Variants in PRKCE observed in about 807,000 individuals in gnomAD.
The protein encoded by PRKCE is protein kinase C epsilon type.
A neutral mutation model predicts 85.4 loss-of-function variants in PRKCE; 16 were observed. The ratio of observed to expected loss-of-function variants is 0.19; its 90% CI spans 0.13 to 0.28. PRKCE has a LOEUF of 0.28. Among genes scored for constraint, PRKCE ranks in the 10% least tolerant of loss-of-function variants. The pLI, the probability that PRKCE is intolerant of heterozygous loss-of-function variation, is 1.00. For missense variants in PRKCE, 573 were observed against 975.2 expected, an observed-to-expected ratio of 0.59 and a Z score of 5.49; for synonymous variants, 388 against 371.5, an observed-to-expected ratio of 1.04 and a Z score of -0.51.
chr2:45,921,356 A>G (rs1376285866), intron 2 of PRKCE, among the ~76,000 whole-genome samples: 1 of 152,230 alleles, frequency 6.6e-6, no homozygotes, highest in Non-Finnish European at 1.5e-5. Context: ...TAAAAAAAAC[A>G]CATACGTAGA....
intron 11 of PRKCE, among the ~76,000 whole-genome samples, chr2:46,130,055 G>A (rs970440227): frequency 3.9e-5 from 6 of 152,212 alleles, no homozygotes; most frequent in Middle Eastern, 3.4e-3. Context: ...TGAAAATAGC[G>A]AGTTTTTTTT....
chr2:45,811,330 G>A (rs968629050), intron 1 of PRKCE, among the ~76,000 whole-genome samples: 4 of 152,232 alleles, frequency 2.6e-5, no homozygotes, highest in Non-Finnish European at 4.4e-5. Context: ...AGCTGCCTAA[G>A]TACTGTTAGA....
At chr2:46,120,438 A>G (rs1444504939) in intron 11 of PRKCE, among the ~76,000 whole-genome samples, 1 of 152,142 alleles carries the variant, frequency 6.6e-6, no homozygotes, top group Non-Finnish European at 1.5e-5. Flanking sequence ...CCAGCCTAAC[A>G]TGTCAGTAGT....
rs777164224 is a variant in PRKCE, at chr2:46,024,902, CGTT to C, written c.1437+14388_1437+14390del. Among the ~76,000 whole-genome samples the C allele has an allele frequency of 2.0e-5, 3 of 152,124 alleles. No individual in the cohort carries two copies. The East Asian group carries it at 5.8e-4, about 29-fold the overall frequency. On this transcript the variant is annotated intron_variant, in intron 10 of 14. Transcript: ENST00000306156. ...CATACCAACACAACCAAAGGAAACA[CGTT>C]GTCATGAATGGTGAAATACTTCTAC...
At chr2:45,917,661 C>T (rs1697907443) in intron 2 of PRKCE, among the ~76,000 whole-genome samples, 1 of 152,260 alleles carries the variant, frequency 6.6e-6, no homozygotes. Flanking sequence ...AGTCCCGTGC[C>T]ATGCGCCCGC....
intron 2 of PRKCE, among the ~76,000 whole-genome samples, chr2:45,870,113 A>G (rs1442165398): frequency 6.6e-6 from 1 of 152,154 alleles, no homozygotes; most frequent in Non-Finnish European, 1.5e-5. Flanking sequence ...TTGCCTTCCC[A>G]TCAGGCCCAT....
intron 11 of PRKCE, among the ~76,000 whole-genome samples, chr2:46,118,630 C>A (rs1673002262): frequency 6.6e-6 from 1 of 152,094 alleles, no homozygotes; most frequent in Non-Finnish European, 1.5e-5. Context: ...AGGAGGCTCC[C>A]CATGCTGTTG....
intron 2 of PRKCE, among the ~76,000 whole-genome samples, chr2:45,952,997 G>A (rs1700728384): frequency 6.6e-6 from 1 of 152,196 alleles, no homozygotes; most frequent in South Asian, 2.1e-4. Context: ...GGGAGGTCAA[G>A]CCCGTTGCCT....
intron 10 of PRKCE, among the ~76,000 whole-genome samples, chr2:46,014,576 T>A (rs560138877): frequency 6.6e-6 from 1 of 152,346 alleles, no homozygotes; most frequent in East Asian, 1.9e-4. Flanking sequence ...AAAAATTTTT[T>A]ATACATCCAC....
At chr2:45,715,893 G>T (rs1375986104) in intron 1 of PRKCE, among the ~76,000 whole-genome samples, 2 of 152,066 alleles carry the variant, frequency 1.3e-5, no homozygotes, top group African/African-American at 4.8e-5. Context: ...TCCCTTTTCT[G>T]CACTCCCCCC....
intron 2 of PRKCE, among the ~76,000 whole-genome samples, chr2:45,906,806 G>C (rs1242516530): frequency 1.3e-5 from 2 of 152,216 alleles, no homozygotes; most frequent in Non-Finnish European, 2.9e-5. Flanking sequence ...TGCTGTATGT[G>C]CCTACCCTGC....
At chr2:45,808,050 G>A (rs974932514) in intron 1 of PRKCE, among the ~76,000 whole-genome samples, 1 of 152,090 alleles carries the variant, frequency 6.6e-6, no homozygotes, top group Admixed American at 6.6e-5. Context: ...AGCGCTCCCA[G>A]ACTGTTGCTG....
At chr2:45,992,185 A>C (rs1395615423) in intron 6 of PRKCE, among the ~76,000 whole-genome samples, 1 of 151,994 alleles carries the variant, frequency 6.6e-6, no homozygotes, top group Admixed American at 6.6e-5. Context: ...ATGCCACAGG[A>C]GTGCTTTGGT....
intron 1 of PRKCE, among the ~76,000 whole-genome samples, chr2:45,821,417 T>C (rs72801905): frequency 0.048 from 7,351 of 152,032 alleles, 252 homozygotes; most frequent in South Asian, 0.12. Context: ...GGTGGAGGTA[T>C]AGAGCAGGCC....
intron 11 of PRKCE, among the ~76,000 whole-genome samples, chr2:46,091,996 T>C (rs1184664042): frequency 1.3e-5 from 2 of 152,206 alleles, no homozygotes; most frequent in Non-Finnish European, 2.9e-5. Flanking sequence ...GTAAAGTCCG[T>C]TTTTCTTCAT....
At chr2:45,779,992 C>T (rs1401670910) in intron 1 of PRKCE, among the ~76,000 whole-genome samples, 1 of 152,140 alleles carries the variant, frequency 6.6e-6, no homozygotes, top group African/African-American at 2.4e-5. Context: ...ATAGGTTCTC[C>T]TGAACTGGAT....
intron 1 of PRKCE, among the ~76,000 whole-genome samples, chr2:45,762,812 C>G (rs1022264050): frequency 2.0e-4 from 31 of 152,306 alleles, no homozygotes; most frequent in African/African-American, 7.2e-4. Flanking sequence ...AAGAAAGTGT[C>G]AAGCCTAGGA....
chr2:45,721,977 G>A (rs6544845), intron 1 of PRKCE, among the ~76,000 whole-genome samples: 129,602 of 151,730 alleles, frequency 0.85, 55,681 homozygotes, highest in East Asian at 0.94. Context: ...CAAAATTTAA[G>A]TTATTTAAAT....
At chr2:45,738,197 A>G (rs1256066114) in intron 1 of PRKCE, among the ~76,000 whole-genome samples, 1 of 152,192 alleles carries the variant, frequency 6.6e-6, no homozygotes, top group East Asian at 1.9e-4. Flanking sequence ...AAAATCATTA[A>G]TTAACATAGT....
Sources: allele counts gnomAD v4.1 joint callset (sites outside exome capture counted in the v4.1 genomes callset), GRCh38; gene constraint gnomAD v4.1.1; transcripts MANE v1.5; gene names NCBI Gene and HGNC (gene_info 2026-07-23, HGNC 2026-07-21).